The following DLC1 variants were observed in gnomAD, a reference collection of about 807,000 sequenced individuals.
The protein encoded by DLC1 is rho GTPase-activating protein 7.
Under a neutral mutation model 140.3 loss-of-function variants are expected in DLC1, and 54 were observed. The observed-to-expected ratio is 0.38, with a 90% CI of 0.31 to 0.48. DLC1 has a LOEUF of 0.48. Among genes scored for constraint, DLC1 ranks in the 20% least tolerant of loss-of-function variants. DLC1 has a pLI of 0.96. For missense variants in DLC1, 2,536 were observed against 1,907.0 expected (o/e 1.33, Z -6.14); for synonymous variants, 986 against 728.1 (o/e 1.35, Z -5.70).
chr8:13,564,255 A>G (rs759300333), intron 1 of DLC1, among the ~76,000 whole-genome samples: 2 of 152,344 alleles, frequency 1.3e-5, no homozygotes, highest in Non-Finnish European at 2.9e-5. Flanking sequence ...CAGATAAAGA[A>G]CAAGTACTGA....
At chr8:13,449,486 G>A (rs118092334) in intron 2 of DLC1, among the ~76,000 whole-genome samples, 1,698 of 152,192 alleles carry the variant, frequency 0.011, 22 homozygotes, top group South Asian at 0.03. Context: ...ATGCATCATT[G>A]GCAAACACAA....
chr8:13,545,586 C>T (rs1402250611), intron 1 of DLC1, among the ~76,000 whole-genome samples: 2 of 151,966 alleles, frequency 1.3e-5, no homozygotes, highest in African/African-American at 4.8e-5. Context: ...TTGTTGAACT[C>T]TATTTGTGTA....
intron 2 of DLC1, among the ~76,000 whole-genome samples, chr8:13,491,995 A>G (rs1801268735): frequency 6.6e-6 from 1 of 152,230 alleles, no homozygotes; most frequent in South Asian, 2.1e-4. Context: ...GGTGGAATCA[A>G]TTGGATTCCA....
chr8:13,508,687 G>C (rs567263930), intron 1 of DLC1, among the ~76,000 whole-genome samples: 2 of 152,098 alleles, frequency 1.3e-5, no homozygotes, highest in East Asian at 3.9e-4. Context: ...CAAAGTGCTG[G>C]GATTACAGGC....
chr8:13,270,487 C>T (rs1830886134), intron 5 of DLC1, among the ~76,000 whole-genome samples: 1 of 152,176 alleles, frequency 6.6e-6, no homozygotes, highest in Admixed American at 6.5e-5. Flanking sequence ...TTGGCTCCAT[C>T]TATACAGCAA....
chr8:13,352,749 T>C (rs1269057293), intron 4 of DLC1, among the ~76,000 whole-genome samples: 1 of 152,066 alleles, frequency 6.6e-6, no homozygotes, highest in Non-Finnish European at 1.5e-5. Context: ...TAATACACTG[T>C]TTTTTTGGAG....
At chr8:13,142,339 CT>C (rs1198953503) in intron 5 of DLC1, among the ~76,000 whole-genome samples, 2 of 152,174 alleles carry the variant, frequency 1.3e-5, no homozygotes, top group East Asian at 3.9e-4. Context: ...TAGATCTGAT[CT>C]CTATTATACA....
At chr8:13,223,575 C>G (rs1563178491) in intron 5 of DLC1, among the ~76,000 whole-genome samples, 1 of 152,048 alleles carries the variant, frequency 6.6e-6, no homozygotes, top group African/African-American at 2.4e-5. Context: ...ACTTAATGTT[C>G]CAAAACAAAC....
chr8:13,560,048 C>A (rs1020699236), intron 1 of DLC1, among the ~76,000 whole-genome samples: 4 of 152,132 alleles, frequency 2.6e-5, no homozygotes, highest in African/African-American at 9.7e-5. Context: ...ATTTCCAAGA[C>A]AAAGTAGCAA....
At chr8:13,203,839 G>C (rs1049844610) in intron 5 of DLC1, among the ~76,000 whole-genome samples, 1 of 152,172 alleles carries the variant, frequency 6.6e-6, no homozygotes, top group Non-Finnish European at 1.5e-5. Context: ...GATAGGAAAA[G>C]AGCTCTCTAG....
intron 5 of DLC1, among the ~76,000 whole-genome samples, chr8:13,297,145 T>C (rs1831988813): frequency 1.3e-5 from 2 of 151,312 alleles, no homozygotes; most frequent in Admixed American, 1.3e-4. Context: ...GTGTTTTCTT[T>C]CAACAGCCCA....
intron 4 of DLC1, among the ~76,000 whole-genome samples, chr8:13,354,425 C>T (rs1834825899): frequency 6.6e-6 from 1 of 151,946 alleles, no homozygotes; most frequent in African/African-American, 2.4e-5. Context: ...GTGTGTGTGG[C>T]AACGACTAGG....
At chr8:13,306,966 C>T (rs1832463922) in intron 4 of DLC1, among the ~76,000 whole-genome samples, 2 of 150,892 alleles carry the variant, frequency 1.3e-5, no homozygotes, top group African/African-American at 4.9e-5. Flanking sequence ...TGCCCGTAAT[C>T]CCAGCTACTC....
intron 4 of DLC1, among the ~76,000 whole-genome samples, chr8:13,311,948 A>C (rs1344452951): frequency 6.6e-6 from 1 of 152,196 alleles, no homozygotes; most frequent in Non-Finnish European, 1.5e-5. Context: ...ATTTTACTCC[A>C]TGCTGTCTTG....
rs530190334 is a variant in DLC1, at chr8:13,351,569, T to C, written c.1314+41984A>G. Among the ~76,000 whole-genome samples the C allele has an allele frequency of 2.9e-4, 44 of 152,332 alleles. 1 individual carries two copies. The highest frequency in any genetic ancestry group is 1.0e-3 in the African/African-American group (43 of 41,576). Reference sequence around the variant, plus strand: ...TAAAAATCACAGAAAATAGAAATCATAGTGTCCACAAGAACACATAGTGTC... The same window carrying C: ...TAAAAATCACAGAAAATAGAAATCACAGTGTCCACAAGAACACATAGTGTC... On this transcript the variant is annotated intron_variant, in intron 4 of 17. Coordinates refer to ENST00000276297, the MANE Select transcript of DLC1 (RefSeq NM_182643.3).
At chr8:13,475,958 C>G (rs560698546) in intron 2 of DLC1, among the ~76,000 whole-genome samples, 1 of 152,180 alleles carries the variant, frequency 6.6e-6, no homozygotes, top group Non-Finnish European at 1.5e-5. Flanking sequence ...ATTTCATAAC[C>G]ATTTCTCCAC....
At chr8:13,431,504 A>AAAAAG (rs1563340730) in intron 2 of DLC1, among the ~76,000 whole-genome samples, 1 of 149,288 alleles carries the variant, frequency 6.7e-6, no homozygotes, top group African/African-American at 2.5e-5. Flanking sequence ...AAAAAAAAAA[A>AAAAAG]AAAAAAAAAA....
At chr8:13,391,739 C>G (rs1382841488) in intron 4 of DLC1, among the ~76,000 whole-genome samples, 1 of 152,124 alleles carries the variant, frequency 6.6e-6, no homozygotes, top group Non-Finnish European at 1.5e-5. Flanking sequence ...ATGAGACACT[C>G]AGTCACTGAA....
chr8:13,567,835 G>T, intron 1 of DLC1: 1 of 1,551,888 alleles, frequency 6.4e-7, no homozygotes. Flanking sequence ...ATCAGAGACA[G>T]AGCAGAAGTT....
Sources: gnomAD v4.1 joint callset for allele counts (sites outside exome capture counted in the v4.1 genomes callset) on GRCh38, gnomAD v4.1.1 for gene constraint, MANE v1.5 for transcripts, NCBI Gene and HGNC (gene_info 2026-07-23, HGNC 2026-07-21) for gene names.